The following CATSPERT variants were observed in gnomAD, a reference collection of about 807,000 sequenced individuals.
The protein encoded by CATSPERT is cation channel sperm-associated targeting subunit tau.
chr2:201,618,189 C>A, the CATSPERT span, among the ~76,000 whole-genome samples: 1 of 152,142 alleles, frequency 6.6e-6, no homozygotes, highest in Admixed American at 6.5e-5. Flanking sequence ...TACCATTTGA[C>A]CCAGCCATCC....
chr2:201,508,261 A>G, the CATSPERT span, among the ~76,000 whole-genome samples: 1 of 152,250 alleles, frequency 6.6e-6, no homozygotes, highest in South Asian at 2.1e-4. Context: ...ACAATATGAC[A>G]TAGTCAAAGG....
the CATSPERT span, among the ~76,000 whole-genome samples, chr2:201,522,218 T>G: frequency 6.6e-6 from 1 of 152,148 alleles, no homozygotes; most frequent in Non-Finnish European, 1.5e-5. Flanking sequence ...GGACGTCAAA[T>G]TATCCCTGTT....
At chr2:201,538,081 C>T in the CATSPERT span, among the ~76,000 whole-genome samples, 93,215 of 151,754 alleles carry the variant, frequency 0.61, 30,339 homozygotes, top group East Asian at 0.95. Context: ...GTGCAAAACA[C>T]AATAATGTTA....
chr2:201,498,540 C>T, the CATSPERT span, among the ~76,000 whole-genome samples: 1 of 152,110 alleles, frequency 6.6e-6, no homozygotes, highest in Non-Finnish European at 1.5e-5. Context: ...TCCCAGTCCA[C>T]CACCTCAAAT....
the CATSPERT span, chr2:201,602,019 A>G: frequency 1.6e-6 from 1 of 613,154 alleles, no homozygotes; most frequent in Non-Finnish European, 2.6e-6. Context: ...GAAAAAAAGT[A>G]TTCTAAAATA....
the CATSPERT span, among the ~76,000 whole-genome samples, chr2:201,564,870 G>A: frequency 4.6e-5 from 7 of 152,112 alleles, no homozygotes; most frequent in South Asian, 2.1e-4. Context: ...TGAGCTGACC[G>A]AGACAATAAT....
the CATSPERT span, chr2:201,492,538 T>C: frequency 2.6e-6 from 4 of 1,535,944 alleles, no homozygotes; most frequent in Non-Finnish European, 2.6e-6. Context: ...TGAGACACTT[T>C]TAGTCCTTAG....
At chr2:201,504,259 C>T in the CATSPERT span, among the ~76,000 whole-genome samples, 1 of 152,230 alleles carries the variant, frequency 6.6e-6, no homozygotes, top group Non-Finnish European at 1.5e-5. Flanking sequence ...CGCTCCTGTG[C>T]TGCTGCCTTC....
the CATSPERT span, among the ~76,000 whole-genome samples, chr2:201,613,581 A>AAAACCACAAAGATGGGGAG: frequency 5.3e-5 from 8 of 152,234 alleles, no homozygotes; most frequent in Non-Finnish European, 1.0e-4. Flanking sequence ...AAAGGTAGAT[A>AAAACCACAAAGATGGGGAG]AAACCACAAA....
the CATSPERT span, among the ~76,000 whole-genome samples, chr2:201,488,850 T>G: frequency 6.6e-6 from 1 of 152,228 alleles, no homozygotes; most frequent in Non-Finnish European, 1.5e-5. Flanking sequence ...CTGCCTGAGT[T>G]TGGAGAAGGC....
chr2:201,498,896 G>C, the CATSPERT span, among the ~76,000 whole-genome samples: 10,051 of 151,164 alleles, frequency 0.066, 709 homozygotes, highest in East Asian at 0.26. Context: ...TTTGGGCCTT[G>C]ACAGGGAAGC....
At chr2:201,592,116 G>A in the CATSPERT span, among the ~76,000 whole-genome samples, 1 of 152,018 alleles carries the variant, frequency 6.6e-6, no homozygotes, top group Non-Finnish European at 1.5e-5. Context: ...GATATTGGCT[G>A]TGGGTTTGTC....
chr2:201,507,716 T>G, the CATSPERT span, among the ~76,000 whole-genome samples: 1 of 152,020 alleles, frequency 6.6e-6, no homozygotes, highest in Non-Finnish European at 1.5e-5. Flanking sequence ...AAGAACTACC[T>G]GAAACTGGGT....
the CATSPERT span, among the ~76,000 whole-genome samples, chr2:201,524,250 C>G: frequency 6.6e-6 from 1 of 152,034 alleles, no homozygotes; most frequent in Non-Finnish European, 1.5e-5. Flanking sequence ...ACAAATGAAA[C>G]CCCATCAGGC....
chr2:201,601,042 G>A, the CATSPERT span, among the ~76,000 whole-genome samples: 1 of 75,148 alleles, frequency 1.3e-5, no homozygotes, highest in South Asian at 7.9e-4. Flanking sequence ...GAGTCACTGC[G>A]CCCAGCCATT....
chr2:201,543,100 G>A, the CATSPERT span, among the ~76,000 whole-genome samples: 1 of 152,120 alleles, frequency 6.6e-6, no homozygotes, highest in East Asian at 1.9e-4. Context: ...ACCATTTGCT[G>A]AAAAGACTAT....
chr2:201,581,546 GTGTATATATATA>G, the CATSPERT span, among the ~76,000 whole-genome samples: 60 of 14,710 alleles, frequency 4.1e-3, 3 homozygotes, highest in Middle Eastern at 0.026. Context: ...AAAAAAATGT[GTGTATATATATA>G]TATATATATA....
chr2:201,514,850 A>C, the CATSPERT span, among the ~76,000 whole-genome samples: 451 of 152,318 alleles, frequency 3.0e-3, no homozygotes, highest in Non-Finnish European at 4.5e-3. Context: ...TGGTCCAGAT[A>C]TTTAGGGGAA....
At chr2:201,515,722 G>A in the CATSPERT span, among the ~76,000 whole-genome samples, 2 of 152,138 alleles carry the variant, frequency 1.3e-5, no homozygotes, top group African/African-American at 4.8e-5. Flanking sequence ...ACATGATATT[G>A]TTTGTCTCTA....
Sources: gnomAD v4.1 joint callset for allele counts (sites outside exome capture counted in the v4.1 genomes callset) on GRCh38, gnomAD v4.1.1 for gene constraint, MANE v1.5 for transcripts, NCBI Gene and HGNC (gene_info 2026-07-23, HGNC 2026-07-21) for gene names.